Variants in ARHGAP5 observed in about 807,000 individuals in gnomAD.
ARHGAP5 encodes the protein Rho GTPase activating protein 5.
A neutral mutation model predicts 116.6 loss-of-function variants in ARHGAP5; 23 were observed. The ratio of observed to expected loss-of-function variants is 0.20; its 90% CI spans 0.14 to 0.28. The LOEUF is 0.28. ARHGAP5 is among the 10% of genes least tolerant of loss of function. ARHGAP5 has a pLI of 1.00. For synonymous variants in ARHGAP5, 574 were observed against 602.0 expected, an observed-to-expected ratio of 0.95 and a Z score of 0.68; for missense variants, 1,405 against 1,774.8, an observed-to-expected ratio of 0.79 and a Z score of 3.74.
At chr14:32,083,909 T>C (rs2041803274) in intron 1 of ARHGAP5, among the ~76,000 whole-genome samples, 1 of 152,230 alleles carries the variant, frequency 6.6e-6, no homozygotes, top group Non-Finnish European at 1.5e-5. Context: ...CTTTCCTATA[T>C]GTACCTTTAT....
chr14:32,151,711 ATAGT>A (rs1194579102), intron 5 of ARHGAP5, among the ~76,000 whole-genome samples: 1 of 152,236 alleles, frequency 6.6e-6, no homozygotes, highest in Non-Finnish European at 1.5e-5. Flanking sequence ...AAAGCCTAAA[ATAGT>A]TACTCTGTAG....
intron 3 of ARHGAP5, among the ~76,000 whole-genome samples, chr14:32,138,140 G>C (rs1880907697): frequency 6.6e-6 from 1 of 152,058 alleles, no homozygotes; most frequent in African/African-American, 2.4e-5. Flanking sequence ...TTAGGATGCT[G>C]TTGTAAATAG....
chr14:32,130,808 G>A (rs1040029233), intron 3 of ARHGAP5, among the ~76,000 whole-genome samples: 1 of 152,188 alleles, frequency 6.6e-6, no homozygotes, highest in African/African-American at 2.4e-5. Context: ...TGGGATTACA[G>A]GCATGAGCCA....
In ARHGAP5 at chr14:32,157,514, A is replaced by T. The variant is rs756279349; in HGVS notation, c.*2566A>T. 1.3e-5 allele frequency: 2 copies of T among 152,306 alleles called. No homozygotes were observed. The highest frequency in any genetic ancestry group is 3.0e-5 in the Non-Finnish European group (2 of 67,748). The allele number at this position is 152,306 out of a possible 1,614,324, so 9.4% of individuals were successfully genotyped here. A position where few individuals can be genotyped will look rare whatever the true frequency, so the allele number is the denominator to read the frequency against. On this transcript the variant is annotated 3_prime_UTR_variant, in exon 7 of 7. Coordinates refer to ENST00000345122, the MANE Select transcript of ARHGAP5 (RefSeq NM_001030055.2). Reference sequence around the variant, plus strand: ...GGTTCAGTGCTTATAGTTAACTACAATATTGGACCTAACAGGATCTAGATT... The same window carrying T: ...GGTTCAGTGCTTATAGTTAACTACATTATTGGACCTAACAGGATCTAGATT...
At position 32,154,966 on chromosome 14, in the gene ARHGAP5, A is replaced by G. The variant is rs1262772032; in HGVS notation, c.*18A>G. On this transcript the variant is annotated 3_prime_UTR_variant, in exon 7 of 7. Coordinates refer to ENST00000345122, the MANE Select transcript of ARHGAP5 (RefSeq NM_001030055.2). ...TTATATGAGTAGGAAGTGATTGCAA[A>G]CAGGCTGGATTTGGACAAAAAGCAA... 1.2e-6 allele frequency: 2 copies of G among 1,600,196 alleles called. No homozygotes were observed. The highest frequency in any genetic ancestry group is 2.2e-5 in the South Asian group (2 of 90,392).
intron 4 of ARHGAP5, among the ~76,000 whole-genome samples, chr14:32,149,265 C>G (rs1388792569): frequency 1.3e-5 from 2 of 151,178 alleles, no homozygotes. Flanking sequence ...ATCCTCTCAC[C>G]TTAGTTTCCT....
chr14:32,138,218 G>C (rs926009244), intron 3 of ARHGAP5, among the ~76,000 whole-genome samples: 1 of 151,906 alleles, frequency 6.6e-6, no homozygotes, highest in Non-Finnish European at 1.5e-5. Flanking sequence ...TAACTTTTAT[G>C]TGTTGATCTT....
rs745436371 is a variant in ARHGAP5, at chr14:32,091,081, C to A, written c.412C>A (p.Leu138Ile). ...ACTAATGTACATTTGCACTGATCAGCTAGGCTTAGAACAAGACTTTGAACA... is the reference window on the plus strand; with the variant it reads ...ACTAATGTACATTTGCACTGATCAGATAGGCTTAGAACAAGACTTTGAACA... ...EKLMYICTDQ[L>I]GLEQDFEQKQ... Residue 138 changes from leucine to isoleucine, a missense_variant, in exon 2 of 7, where the codon CTA becomes ATA. Physicochemically the swap from Leu to Ile is conservative, Grantham distance 5 (BLOSUM62 2). Coordinates refer to ENST00000345122, the MANE Select transcript of ARHGAP5 (RefSeq NM_001030055.2). 1 of 1,613,620 alleles carries A rather than the reference C, an allele frequency of 6.2e-7. No homozygotes were observed. The highest frequency in any genetic ancestry group is 8.5e-7 in the Non-Finnish European group (1 of 1,179,650).
chr14:32,093,941 A>G lies in ARHGAP5; in HGVS notation c.3272A>G (p.Tyr1091Cys), dbSNP rs370569198. ...HPEDMDPSDN[Y>C]AEPIDTIFKQ... is the part of the protein sequence containing the mutation. Reference sequence around the variant, plus strand: ...GAAGATATGGATCCTTCAGATAACTATGCGGAACCCATTGATACAATTTTC... The same window carrying G: ...GAAGATATGGATCCTTCAGATAACTGTGCGGAACCCATTGATACAATTTTC... Residue 1091 changes from tyrosine (Y) to cysteine (C), a missense_variant, in exon 2 of 7, where the codon TAT (tyrosine) becomes TGT (cysteine). This residue lies in a region of ARHGAP5 where 944 missense variants were observed against 1,095.3 expected (regional missense o/e 0.86). Transcript: ENST00000345122. 1.3e-5 allele frequency: 21 copies of G among 1,613,950 alleles called. No homozygotes were observed. Among genetic ancestry groups the G allele is most frequent in the South Asian group, 6.6e-5 (6 of 91,056 alleles).
intron 3 of ARHGAP5, among the ~76,000 whole-genome samples, chr14:32,139,045 T>G (rs1220133715): frequency 6.6e-6 from 1 of 152,120 alleles, no homozygotes; most frequent in African/African-American, 2.4e-5. Context: ...TACCCTTGCT[T>G]TTTTTGGATA....
At chr14:32,095,467 T>C (rs112298742) in intron 2 of ARHGAP5, among the ~76,000 whole-genome samples, 6,064 of 143,908 alleles carry the variant, frequency 0.042, 410 homozygotes, top group African/African-American at 0.15. Flanking sequence ...GGCTGGAGGG[T>C]AGTGGCGCAA....
At chr14:32,078,648 C>G (rs913764777) in intron 1 of ARHGAP5, among the ~76,000 whole-genome samples, 1 of 152,094 alleles carries the variant, frequency 6.6e-6, no homozygotes, top group Non-Finnish European at 1.5e-5. Context: ...CCACTTAAAT[C>G]CAGAACCAGT....
chr14:32,089,660 T>C (rs1476894639), intron 1 of ARHGAP5, among the ~76,000 whole-genome samples: 1 of 151,962 alleles, frequency 6.6e-6, no homozygotes, highest in African/African-American at 2.4e-5. Context: ...ACTCAAAATG[T>C]GGTCTTTGTG....
intron 2 of ARHGAP5, among the ~76,000 whole-genome samples, chr14:32,116,870 A>G (rs2139070206): frequency 6.6e-6 from 1 of 152,244 alleles, no homozygotes; most frequent in East Asian, 1.9e-4. Context: ...TTGAAAAGTG[A>G]TATTTTCTAT....
At chr14:32,121,153 G>A (rs1041539413) in intron 3 of ARHGAP5, among the ~76,000 whole-genome samples, 4 of 151,596 alleles carry the variant, frequency 2.6e-5, no homozygotes, top group Non-Finnish European at 4.4e-5. Flanking sequence ...AAATAGCTGG[G>A]ACTGCCACCA....
intron 3 of ARHGAP5, among the ~76,000 whole-genome samples, chr14:32,123,385 T>C (rs1879986660): frequency 2.6e-5 from 4 of 152,118 alleles, no homozygotes; most frequent in Non-Finnish European, 5.9e-5. Flanking sequence ...TGGCCAAATG[T>C]AGAAATGCCA....
At position 32,153,558 on chromosome 14, in the gene ARHGAP5, C is replaced by T. The variant is rs1350846003; in HGVS notation, c.4181+1030C>T. ...CATGATCTCAGCTCACTGCAACCTC[C>T]GCCTCCTGGGTTCAAGCAGTTCTCT... On this transcript the variant is annotated intron_variant, in intron 6 of 6. Transcript: ENST00000345122. Among the ~76,000 whole-genome samples, 11 of 147,762 alleles carry T rather than the reference C, an allele frequency of 7.4e-5. No homozygotes were observed. In the South Asian group the frequency reaches 8.8e-4, roughly 12 times the overall value.
Position 32,090,618 on chromosome 14 carries a change from T to C in ARHGAP5, c.-52T>C, listed in dbSNP as rs1878193892. On this transcript the variant is annotated 5_prime_UTR_variant, in exon 2 of 7. It removes an upstream start codon present in the reference 5' UTR. Transcript: ENST00000345122. Reference sequence around the variant, plus strand: ...TTTTGAGATGATTTTATTTTCAGAATGAGAAGCATATCTGGTTACCTTTAT... The same window carrying C: ...TTTTGAGATGATTTTATTTTCAGAACGAGAAGCATATCTGGTTACCTTTAT... 1 of 1,434,900 alleles carries C rather than the reference T, an allele frequency of 7.0e-7. No homozygotes were observed. Among genetic ancestry groups the C allele is most frequent in the African/African-American group, 1.4e-5 (1 of 69,712 alleles). 88.9% of individuals were successfully genotyped at this position (1,434,900 alleles called of 1,614,324 possible).
chr14:32,103,025 C>T (rs1418384629), intron 2 of ARHGAP5, among the ~76,000 whole-genome samples: 2 of 152,212 alleles, frequency 1.3e-5, no homozygotes, highest in Admixed American at 6.5e-5. Flanking sequence ...TATTTCATCT[C>T]ATCTGGAAAG....
Sources: allele counts gnomAD v4.1 joint callset (sites outside exome capture counted in the v4.1 genomes callset), GRCh38; gene constraint gnomAD v4.1.1; regional missense constraint gnomAD v4.1.1; transcripts MANE v1.5; gene names NCBI Gene and HGNC (gene_info 2026-07-23, HGNC 2026-07-21).